Variants in GLB1 observed in about 807,000 individuals in gnomAD.
GLB1 encodes the protein beta-galactosidase.
GLB1 carries 56 observed loss-of-function variants against 74.0 expected under a neutral mutation model. The ratio of observed to expected loss-of-function variants is 0.76; its 90% CI spans 0.61 to 0.94. The LOEUF (loss-of-function observed/expected upper bound fraction) is 0.94. GLB1 is among the 40% of genes least tolerant of loss of function. The pLI, the probability that GLB1 is intolerant of heterozygous loss-of-function variation, is 0.00. For missense variants in GLB1, 787 were observed against 845.5 expected (o/e 0.93, Z 0.86); for synonymous variants, 323 against 323.6 (o/e 1.00, Z 0.02).
In GLB1 at chr3:33,016,731, C is replaced by A; in HGVS notation, c.1457G>T (p.Gly486Val). 1 of 1,614,062 alleles carries A rather than the reference C, an allele frequency of 6.2e-7. No individual in the cohort carries two copies. Among genetic ancestry groups the A allele is most frequent in the Non-Finnish European group, 8.5e-7 (1 of 1,179,960 alleles). The change falls in exon 14 of 16, where the codon GGT becomes GTT. Residue 486 changes from glycine (G) to valine (V), a missense_variant. Gly to Val is a moderately radical substitution (Grantham distance 109). Transcript: ENST00000307363. ...LVENMGRVNY[G>V]AYINDFKGLV... Reference sequence around the variant, plus strand: ...TACCTTAAAATCGTTGATATATGCACCATAGTTCACACGTCCCATGTTCTC... The same window carrying A: ...TACCTTAAAATCGTTGATATATGCAACATAGTTCACACGTCCCATGTTCTC...
At chr3:32,961,380 G>A in the GLB1 span, among the ~76,000 whole-genome samples, 1 of 152,220 alleles carries the variant, frequency 6.6e-6, no homozygotes, top group Admixed American at 6.5e-5. Flanking sequence ...ACAGACGTCA[G>A]CAACACGCCA....
intron 10 of GLB1, chr3:33,030,533 C>T (rs1032901655): frequency 5.2e-5 from 51 of 985,304 alleles, no homozygotes; most frequent in Middle Eastern, 5.2e-4. Context: ...GCTGTGTCTG[C>T]GTATCAAGCC....
rs573010539 is a variant in GLB1, at chr3:33,050,561, T to C, written c.955+1197A>G. ...CAGGTGTATATATGTGGTTCACTTA[T>C]ACGAAATGTTCAGAATTGGCAAACC... On this transcript the variant is annotated intron_variant, in intron 9 of 15. Coordinates refer to ENST00000307363, the MANE Select transcript of GLB1 (RefSeq NM_000404.4). 9.2e-5 allele frequency among the ~76,000 whole-genome samples: 14 copies of C among 152,326 alleles called. No homozygotes were observed. The East Asian group carries it at 2.3e-3, about 25-fold the overall frequency.
intron 1 of GLB1, chr3:33,096,397 T>C (rs1701028942): frequency 1.1e-6 from 1 of 881,986 alleles, no homozygotes. Context: ...AGCCTGCCTA[T>C]TCCCCCCCTC....
Position 33,051,768 on chromosome 3 carries a change from G to A in GLB1, c.945C>T (p.Ala315=), listed in dbSNP as rs1405318301. The change falls in exon 9 of 16, where the codon GCC becomes GCT. Residue 315 remains alanine (A), a synonymous_variant. Transcript: ENST00000307363. ...TTAAAGTGCTCTTACCATTCCAATA[G>A]GCAAAATTGGTCCCACCTATAAACA... ...LYMFIGGTNF[A]YWNGANSPYA... The A allele has an allele frequency of 3.1e-6, 5 of 1,614,144 alleles. No homozygotes were observed. In the South Asian group the frequency reaches 4.4e-5, roughly 14 times the overall value.
the GLB1 span, among the ~76,000 whole-genome samples, chr3:32,961,956 G>A: frequency 1.3e-5 from 2 of 152,208 alleles, no homozygotes; most frequent in African/African-American, 4.8e-5. Context: ...GGTACTTTGG[G>A]AGGCCAAGGC....
intron 13 of GLB1, 83 bp from the exon 14 acceptor site, chr3:33,016,923 A>C: frequency 6.4e-7 from 1 of 1,574,464 alleles, no homozygotes; most frequent in African/African-American, 1.3e-5. Context: ...TTAATTTAGC[A>C]CTCATTTTCT....
At chr3:33,018,396 C>T in intron 13 of GLB1, 52 bp downstream of exon 13, 3 of 1,569,420 alleles carry the variant, frequency 1.9e-6, no homozygotes, top group Non-Finnish European at 2.6e-6. Context: ...GTGCAGGCTG[C>T]TCATCCCCAC....
chr3:33,072,485 A>G, intron 2 of GLB1, 59 bp downstream of exon 2: 1 of 1,608,662 alleles, frequency 6.2e-7, no homozygotes, highest in Non-Finnish European at 8.5e-7. Context: ...ATACAGTTGT[A>G]TCTTCTCTCC....
intron 13 of GLB1, among the ~76,000 whole-genome samples, chr3:33,017,777 T>C (rs1462329604): frequency 1.3e-5 from 2 of 152,102 alleles, no homozygotes; most frequent in Admixed American, 6.5e-5. Flanking sequence ...CAAAATTGAA[T>C]TGGAAATGGA....
At chr3:33,083,568 G>A (rs1354449843) in intron 1 of GLB1, among the ~76,000 whole-genome samples, 1 of 152,126 alleles carries the variant, frequency 6.6e-6, no homozygotes, top group African/African-American at 2.4e-5. Flanking sequence ...ATGCAATACT[G>A]AAGAGACATA....
the GLB1 span, among the ~76,000 whole-genome samples, chr3:32,981,411 AAAAAAGAAAAAG>A: frequency 6.7e-6 from 1 of 148,818 alleles, no homozygotes; most frequent in African/African-American, 2.5e-5. Flanking sequence ...AAAAAAAAAA[AAAAAAGAAAAAG>A]AAAAAGAAAA....
intron 10 of GLB1, among the ~76,000 whole-genome samples, chr3:33,032,219 A>G (rs1698078894): frequency 1.3e-5 from 2 of 152,150 alleles, no homozygotes; most frequent in Admixed American, 1.3e-4. Context: ...CCCCATGTGC[A>G]GTCTCAACCT....
intron 6 of GLB1, 152 bp from the exon 7 acceptor site, chr3:33,053,701 A>T: frequency 9.7e-7 from 1 of 1,036,128 alleles, no homozygotes; most frequent in Non-Finnish European, 1.4e-6. Context: ...TTAACACCCA[A>T]GATGATAGTA....
chr3:33,000,127 T>G (rs1303561193), intron 15 of GLB1, among the ~76,000 whole-genome samples: 2 of 151,778 alleles, frequency 1.3e-5, no homozygotes, highest in Admixed American at 1.3e-4. Flanking sequence ...TTTTTAGAGA[T>G]GAGGTTTCGC....
At chr3:33,016,962 GAAA>G in intron 13 of GLB1, 122 bp from the exon 14 acceptor site, 2 of 1,477,068 alleles carry the variant, frequency 1.4e-6, no homozygotes, top group Non-Finnish European at 1.8e-6. Flanking sequence ...GACTTGGAAA[GAAA>G]TGCTTTGATA....
chr3:33,022,133 A>G (rs778389503), intron 11 of GLB1, among the ~76,000 whole-genome samples: 2 of 152,144 alleles, frequency 1.3e-5, no homozygotes, highest in Non-Finnish European at 2.9e-5. Flanking sequence ...TGTGTGTGGC[A>G]TATCTTCCAT....
intron 1 of GLB1, among the ~76,000 whole-genome samples, chr3:33,085,731 G>T (rs1700482801): frequency 6.6e-6 from 1 of 151,888 alleles, no homozygotes; most frequent in South Asian, 2.1e-4. Context: ...TCATCAAAAT[G>T]ACAAGATGAC....
chr3:32,981,317 T>C, the GLB1 span, among the ~76,000 whole-genome samples: 1 of 146,346 alleles, frequency 6.8e-6, no homozygotes, highest in African/African-American at 2.5e-5. Context: ...GCCGAATCAC[T>C]TGAACCCGGG....
Sources: gnomAD v4.1 joint callset for allele counts (sites outside exome capture counted in the v4.1 genomes callset) on GRCh38, gnomAD v4.1.1 for gene constraint, MANE v1.5 for transcripts, NCBI Gene and HGNC (gene_info 2026-07-23, HGNC 2026-07-21) for gene names.